Variants in AUTS2 observed in about 807,000 individuals in gnomAD.
AUTS2 encodes the protein autism susceptibility gene 2 protein.
In AUTS2, 17 loss-of-function variants were observed where a neutral mutation model predicts 112.4. The observed-to-expected ratio is 0.15, with a 90% CI of 0.10 to 0.23. AUTS2 has a LOEUF of 0.23. AUTS2 is among the 10% of genes least tolerant of loss of function. AUTS2 has a pLI of 1.00. For missense variants in AUTS2, 1,510 were observed against 1,701.6 expected (o/e 0.89, Z 1.98); for synonymous variants, 751 against 702.7 (o/e 1.07, Z -1.09).
chr7:69,663,589 A>G (rs1418126453), intron 1 of AUTS2, among the ~76,000 whole-genome samples: 1 of 152,210 alleles, frequency 6.6e-6, no homozygotes, highest in Non-Finnish European at 1.5e-5. Flanking sequence ...TTGTGCTTTT[A>G]CTGGAAGGAT....
chr7:70,623,958 G>A (rs1329617925), intron 5 of AUTS2, among the ~76,000 whole-genome samples: 1 of 152,226 alleles, frequency 6.6e-6, no homozygotes, highest in Non-Finnish European at 1.5e-5. Flanking sequence ...CTCAAGATCT[G>A]CCAAGGGAGA....
At chr7:69,903,596 A>G (rs1007669283) in intron 2 of AUTS2, among the ~76,000 whole-genome samples, 1 of 152,188 alleles carries the variant, frequency 6.6e-6, no homozygotes, top group East Asian at 1.9e-4. Flanking sequence ...TTTAGGTTAT[A>G]TGAACTCTTC....
chr7:69,863,728 G>T (rs1793093047), intron 1 of AUTS2, among the ~76,000 whole-genome samples: 1 of 152,212 alleles, frequency 6.6e-6, no homozygotes, highest in Non-Finnish European at 1.5e-5. Context: ...GCCACAGCTG[G>T]ATTGAGTTAT....
intron 2 of AUTS2, among the ~76,000 whole-genome samples, chr7:69,906,700 C>T (rs1795162865): frequency 6.6e-6 from 1 of 152,108 alleles, no homozygotes; most frequent in African/African-American, 2.4e-5. Context: ...TGTCTTCATG[C>T]CCAATTTGTA....
intron 4 of AUTS2, among the ~76,000 whole-genome samples, chr7:70,208,877 T>C (rs1353597059): frequency 2.6e-5 from 4 of 151,906 alleles, no homozygotes; most frequent in African/African-American, 9.7e-5. Flanking sequence ...TGGAATTTGG[T>C]GTTCAAAGCA....
chr7:70,774,545 C>G lies in AUTS2; in HGVS notation c.1902+446C>G, dbSNP rs765808790. Among the ~76,000 whole-genome samples the G allele has an allele frequency of 2.6e-5, 4 of 152,294 alleles. No individual in the cohort carries two copies. In the South Asian group the frequency reaches 8.3e-4, roughly 32 times the overall value. The stretch of plus-strand genomic sequence containing the variant: ...GGGGTCAGGAAGTTATTGTACTGCA[C>G]GGCTCTTTGGCCCTCTATTTTTAAT... On this transcript the variant is annotated intron_variant, in intron 12 of 18. Coordinates refer to ENST00000342771, the MANE Select transcript of AUTS2 (RefSeq NM_015570.4).
chr7:70,137,544 A>G (rs1806635235), intron 4 of AUTS2, among the ~76,000 whole-genome samples: 1 of 151,210 alleles, frequency 6.6e-6, no homozygotes, highest in South Asian at 2.1e-4. Flanking sequence ...TTTTCTCCTT[A>G]AACATGTATT....
At chr7:70,746,593 G>T (rs994583528) in intron 6 of AUTS2, among the ~76,000 whole-genome samples, 1 of 152,218 alleles carries the variant, frequency 6.6e-6, no homozygotes, top group Non-Finnish European at 1.5e-5. Flanking sequence ...CAGATGGCTA[G>T]CAGGGGCTGT....
intron 2 of AUTS2, among the ~76,000 whole-genome samples, chr7:69,937,320 C>T (rs1040447560): frequency 8.5e-5 from 13 of 152,250 alleles, no homozygotes; most frequent in East Asian, 1.9e-4. Context: ...GGTTTGGTCC[C>T]GGATGAAGCC....
chr7:69,934,557 G>T (rs1326617092), intron 2 of AUTS2, among the ~76,000 whole-genome samples: 1 of 152,166 alleles, frequency 6.6e-6, no homozygotes, highest in African/African-American at 2.4e-5. Context: ...GGCTCAAAAT[G>T]CACCAGACAT....
intron 5 of AUTS2, among the ~76,000 whole-genome samples, chr7:70,640,415 CA>C (rs1435496202): frequency 5.0e-4 from 28 of 56,426 alleles, no homozygotes; most frequent in African/African-American, 2.0e-3. Flanking sequence ...AATAAACTCA[CA>C]GGGGGAAAAA....
intron 5 of AUTS2, among the ~76,000 whole-genome samples, chr7:70,481,843 C>T (rs764331024): frequency 2.6e-5 from 4 of 152,148 alleles, no homozygotes; most frequent in Non-Finnish European, 5.9e-5. Context: ...ATCATTAAAG[C>T]TTGTCCTCTT....
rs556140296 is a variant in AUTS2, at chr7:70,457,051, G to A, written c.690+21270G>A. Among the ~76,000 whole-genome samples the A allele has an allele frequency of 7.9e-5, 12 of 152,310 alleles. No individual in the cohort carries two copies. In the East Asian group the frequency reaches 1.5e-3, roughly 20 times the overall value. On this transcript the variant is annotated intron_variant, in intron 5 of 18. Coordinates refer to ENST00000342771, the MANE Select transcript of AUTS2 (RefSeq NM_015570.4). ...TAATGTGTTCTATTTTCTCAAATGC[G>A]TCCTCCAAAACAGAGTGTGTGTGAG...
intron 1 of AUTS2, among the ~76,000 whole-genome samples, chr7:69,645,872 G>A (rs2851501): frequency 0.61 from 93,158 of 151,838 alleles, 28,906 homozygotes; most frequent in East Asian, 0.7. Flanking sequence ...AAATACCAAC[G>A]AGCGTTAATT....
intron 1 of AUTS2, among the ~76,000 whole-genome samples, chr7:69,608,603 C>G (rs1792861434): frequency 6.6e-6 from 1 of 151,970 alleles, no homozygotes; most frequent in Admixed American, 6.6e-5. Context: ...AAAATCTTTA[C>G]AAAGAAAAAA....
chr7:69,824,201 C>A (rs1470693758), intron 1 of AUTS2, among the ~76,000 whole-genome samples: 1 of 151,926 alleles, frequency 6.6e-6, no homozygotes, highest in Admixed American at 6.6e-5. Context: ...ATCACAAAGT[C>A]AGGAGTTCGA....
At chr7:70,268,183 T>C (rs1295965399) in intron 4 of AUTS2, among the ~76,000 whole-genome samples, 1 of 152,180 alleles carries the variant, frequency 6.6e-6, no homozygotes, top group East Asian at 1.9e-4. Flanking sequence ...TGGGCATTTT[T>C]TTCTTTTTCC....
At chr7:70,610,672 A>T (rs972384111) in intron 5 of AUTS2, among the ~76,000 whole-genome samples, 7 of 152,008 alleles carry the variant, frequency 4.6e-5, no homozygotes, top group African/African-American at 1.7e-4. Flanking sequence ...TCTTTTTGAT[A>T]GTGGCCGTCC....
intron 1 of AUTS2, among the ~76,000 whole-genome samples, chr7:69,849,161 GA>G (rs1319186230): frequency 6.6e-6 from 1 of 152,182 alleles, no homozygotes; most frequent in Non-Finnish European, 1.5e-5. Flanking sequence ...CAGCCTGGGT[GA>G]AAGAGCAAGA....
Sources: gnomAD v4.1 joint callset for allele counts (sites outside exome capture counted in the v4.1 genomes callset) on GRCh38, gnomAD v4.1.1 for gene constraint, MANE v1.5 for transcripts, NCBI Gene and HGNC (gene_info 2026-07-23, HGNC 2026-07-21) for gene names.